ANO1: variants seen among roughly 807,000 people sequenced by gnomAD.
ANO1 encodes anoctamin 1.
In ANO1, 59 loss-of-function variants were observed where a neutral mutation model predicts 124.0. That is an observed-to-expected ratio of 0.48 (90% CI 0.39 to 0.59). The LOEUF is 0.59. ANO1 is among the 20% of genes least tolerant of loss of function. ANO1 has a pLI of 0.00. For synonymous variants in ANO1, 529 were observed against 532.0 expected (o/e 0.99, Z 0.08); for missense variants, 1,059 against 1,328.0 (o/e 0.80, Z 3.15).
At chr11:69,995,759 C>T (rs547868681) in intron 1 of ANO1, among the ~76,000 whole-genome samples, 6 of 152,112 alleles carry the variant, frequency 3.9e-5, no homozygotes, top group Admixed American at 2.0e-4. Context: ...GTATGGACCC[C>T]GATCACCTGG....
rs1217261093 is a variant in ANO1, at chr11:70,062,072, T to C, written c.59-16470T>C. On this transcript the variant is annotated intron_variant, in intron 1 of 27. Transcript: ENST00000531349. ...TTTTTTCTCTTTCCTTCTTTCTTTT[T>C]TTTTTTTTTTTTTTTTTTTTTGAGA... Among the ~76,000 whole-genome samples, 12 of 136,958 alleles carry C rather than the reference T, an allele frequency of 8.8e-5. No homozygotes were observed. The East Asian group carries it at 2.1e-3, about 24-fold the overall frequency. 89.8% of individuals were successfully genotyped at this position (136,958 alleles called of 152,430 possible). A position where few individuals can be genotyped will look rare whatever the true frequency, so the allele number is the denominator to read the frequency against.
At chr11:70,057,434 T>TTGTGTGTGTGTGTG (rs142366013) in intron 1 of ANO1, among the ~76,000 whole-genome samples, 1 of 149,810 alleles carries the variant, frequency 6.7e-6, no homozygotes, top group African/African-American at 2.5e-5. Flanking sequence ...AACTCCAATT[T>TTGTGTGTGTGTGTG]TGTGTGTGTG....
intron 3 of ANO1, among the ~76,000 whole-genome samples, chr11:70,103,742 T>C (rs1428045918): frequency 6.6e-6 from 1 of 152,128 alleles, no homozygotes; most frequent in Non-Finnish European, 1.5e-5. Context: ...ATTACCTCTT[T>C]TGAAGCAAAA....
At chr11:70,095,267 G>GGAAGGAAGGAAGGAAGGAAGGAAA (rs1565193029) in intron 2 of ANO1, among the ~76,000 whole-genome samples, 3 of 71,288 alleles carry the variant, frequency 4.2e-5, no homozygotes, top group East Asian at 2.9e-4. Flanking sequence ...AAGGAAGGAA[G>GGAAGGAAGGAAGGAAGGAAGGAAA]GAAGGAAGGA....
At chr11:70,073,538 G>A (rs2135145658), upstream of ANO1, among the ~76,000 whole-genome samples, 1 of 152,276 alleles carries the variant, frequency 6.6e-6, no homozygotes, top group East Asian at 1.9e-4. Context: ...GGATGGGAAG[G>A]AGAGTAAAGA....
intron 1 of ANO1, among the ~76,000 whole-genome samples, chr11:70,069,434 A>T (rs782732269): frequency 6.6e-6 from 1 of 152,080 alleles, no homozygotes; most frequent in Non-Finnish European, 1.5e-5. Context: ...ACTCCTTCCG[A>T]TGGGTTTAAG....
Position 70,116,326 on chromosome 11 carries a change from A to G in ANO1, c.856-132A>G, listed in dbSNP as rs9666084. The G allele has an allele frequency of 5.2e-6, 5 of 959,796 alleles. No homozygotes were observed. In the Admixed American group the frequency reaches 1.1e-4, roughly 21 times the overall value. 59.5% of individuals were successfully genotyped at this position (959,796 alleles called of 1,614,324 possible). On this transcript the variant is annotated intron_variant, in intron 7 of 25. Coordinates refer to ENST00000355303, the MANE Select transcript of ANO1 (RefSeq NM_018043.7). ...GGGCAACCCTCACACTCTGTGTGAAATGTTGCCCCAGGATGATCTTAATTT... is the reference window on the plus strand; with the variant it reads ...GGGCAACCCTCACACTCTGTGTGAAGTGTTGCCCCAGGATGATCTTAATTT...
chr11:70,122,051 G>A (rs1226151623), intron 8 of ANO1, among the ~76,000 whole-genome samples: 10 of 52,734 alleles, frequency 1.9e-4, no homozygotes, highest in Non-Finnish European at 2.6e-4. Flanking sequence ...CTGTCTCTCT[G>A]TCTCTGTCTC....
chr11:70,110,296 C>T (rs1029683892), intron 6 of ANO1, among the ~76,000 whole-genome samples: 2 of 151,254 alleles, frequency 1.3e-5, no homozygotes. Flanking sequence ...AAGCAATTCT[C>T]CTGCCTCAGC....
At chr11:69,985,560 G>A (rs1046189683), upstream of ANO1, among the ~76,000 whole-genome samples, 1 of 152,180 alleles carries the variant, frequency 6.6e-6, no homozygotes, top group Non-Finnish European at 1.5e-5. Flanking sequence ...CCAGGGCTGC[G>A]CCCGTCTCTC....
chr11:70,003,578 T>A (rs1177189335), intron 1 of ANO1, among the ~76,000 whole-genome samples: 1 of 117,678 alleles, frequency 8.5e-6, no homozygotes, highest in Non-Finnish European at 1.8e-5. Flanking sequence ...CTTAATAAAT[T>A]GTTGGTGGAT....
rs1290357630 is a variant in ANO1 at position 70,163,349 on chromosome 11, A to G, written c.1950+9A>G. 6.2e-7 allele frequency: 1 copy of G among 1,613,922 alleles called. No individual in the cohort carries two copies. ...CCTTCCGAATGGAAGAGGTAACCGA[A>G]ATTTTATTCATCTCTGGCAGCCCCT... is the stretch of plus-strand genomic sequence containing the variant. On this transcript the variant is annotated intron_variant, in intron 19 of 25. Transcript: ENST00000355303.
At chr11:70,063,614 G>T (rs142882210) in intron 1 of ANO1, 1 of 152,158 alleles carries the variant, frequency 6.6e-6, no homozygotes, top group African/African-American at 2.4e-5. Flanking sequence ...TGAAGATGGG[G>T]ATTCCTAATC....
intron 1 of ANO1, among the ~76,000 whole-genome samples, chr11:70,052,531 CTTTTTTTTTTTTTTTTTTTT>C (rs200770702): frequency 0.02 from 1,287 of 65,942 alleles, 39 homozygotes; most frequent in African/African-American, 0.065. Flanking sequence ...TTTTTCTTTT[CTTTTTTTTTTTTTTTTTTTT>C]TTTTTTTTTT....
At chr11:70,156,872 TGCACCCAC>T (rs1373753002) in intron 15 of ANO1, 67 bp from the exon 16 acceptor site, 2 of 1,399,160 alleles carry the variant, frequency 1.4e-6, no homozygotes, top group Middle Eastern at 1.8e-4. Context: ...CGCACGCACA[TGCACCCAC>T]GCTGACACAC....
upstream of ANO1, among the ~76,000 whole-genome samples, chr11:69,982,291 T>C (rs1855966451): frequency 6.6e-6 from 1 of 152,184 alleles, no homozygotes; most frequent in Non-Finnish European, 1.5e-5. Flanking sequence ...CCTGCTACAC[T>C]GGGCTGCTCC....
intron 1 of ANO1, among the ~76,000 whole-genome samples, chr11:70,034,159 G>A (rs1857055086): frequency 6.6e-6 from 1 of 152,046 alleles, no homozygotes. Context: ...GAACCATAAA[G>A]CCTAAAAATC....
At position 70,045,266 on chromosome 11, in the gene ANO1, T is replaced by A. The variant is rs1186374566; in HGVS notation, c.59-33276T>A. Among the ~76,000 whole-genome samples the A allele has an allele frequency of 2.6e-5, 4 of 152,214 alleles. No homozygotes were observed. The East Asian group carries it at 7.7e-4, about 29-fold the overall frequency. ...TATAAAGAGTTACCAAAAACATACG[T>A]GACATACACATTTTTAAAAATCCAA... is the stretch of plus-strand genomic sequence containing the variant. On this transcript the variant is annotated intron_variant, in intron 1 of 27. Coordinates refer to the ANO1 transcript ENST00000531349.
At chr11:70,129,740 C>G (rs1007298215) in intron 10 of ANO1, 1 of 152,212 alleles carries the variant, frequency 6.6e-6, no homozygotes, top group Non-Finnish European at 1.5e-5. Context: ...TCTCCTGCCT[C>G]AGCCTCCCGA....
Sources: gnomAD v4.1 joint callset for allele counts (sites outside exome capture counted in the v4.1 genomes callset) on GRCh38, gnomAD v4.1.1 for gene constraint, MANE v1.5 for transcripts, NCBI Gene and HGNC (gene_info 2026-07-23, HGNC 2026-07-21) for gene names.